The following TEC variants were observed in gnomAD, a reference collection of about 807,000 sequenced individuals.
TEC encodes the protein tec protein tyrosine kinase, also known as tyrosine-protein kinase Tec.
In TEC, 72 loss-of-function variants were observed where a neutral mutation model predicts 93.0. That is an observed-to-expected ratio of 0.77 (90% CI 0.64 to 0.94). The LOEUF (loss-of-function observed/expected upper bound fraction) is 0.94, where lower values mean the gene tolerates loss of function less well. TEC is among the 40% of genes least tolerant of loss of function. The pLI, the probability that TEC is intolerant of heterozygous loss-of-function variation, is 0.00. For missense variants in TEC, 630 were observed against 757.9 expected, an observed-to-expected ratio of 0.83 and a Z score of 1.98; for synonymous variants, 249 against 247.7, an observed-to-expected ratio of 1.01 and a Z score of -0.05.
At chr4:48,220,564 C>T (rs1214435633) in intron 2 of TEC, among the ~76,000 whole-genome samples, 1 of 152,100 alleles carries the variant, frequency 6.6e-6, no homozygotes, top group South Asian at 2.1e-4. Flanking sequence ...TTGTAAGTTT[C>T]CTAAGGCCCC....
At position 48,146,335 on chromosome 4, in the gene TEC, T is replaced by A. The variant is rs1719905946; in HGVS notation, c.1071A>T (p.Gly357=). 1.2e-6 allele frequency: 2 copies of A among 1,613,758 alleles called. No individual in the cohort carries two copies. The highest frequency in any genetic ancestry group is 1.7e-6 in the Non-Finnish European group (2 of 1,179,760). Residue 357 remains glycine, a synonymous_variant, in exon 12 of 18, where the codon GGA becomes GGT. Coordinates refer to ENST00000381501, the MANE Select transcript of TEC (RefSeq NM_003215.3). ...VKGKNAPTTA[G]FSYEKWEINP... ...CAAAATAAGAGTTACCATAGCTGAA[T>A]CCTGCAGTGGTGGGTGCATTCTTCC...
At chr4:48,182,535 C>CTG (rs60434609) in intron 2 of TEC, among the ~76,000 whole-genome samples, 32,873 of 147,092 alleles carry the variant, frequency 0.22, 3,563 homozygotes, top group South Asian at 0.3. Flanking sequence ...GGGCAATACT[C>CTG]TGTGTGTGTG....
intron 8 of TEC, among the ~76,000 whole-genome samples, chr4:48,161,957 T>C (rs1191958931): frequency 2.6e-5 from 4 of 152,210 alleles, no homozygotes; most frequent in African/African-American, 9.6e-5. Flanking sequence ...ACTGCCTTCC[T>C]TTCCCCTCAG....
intron 11 of TEC, among the ~76,000 whole-genome samples, chr4:48,149,348 C>A (rs981130352): frequency 6.6e-6 from 1 of 152,114 alleles, no homozygotes; most frequent in African/African-American, 2.4e-5. Flanking sequence ...AACTCATGTC[C>A]TAAGGTCAAG....
intron 15 of TEC, 102 bp downstream of exon 15, chr4:48,141,253 C>A: frequency 1.0e-6 from 1 of 1,004,378 alleles, no homozygotes; most frequent in Non-Finnish European, 1.5e-6. Context: ...AACCAGTTAA[C>A]AAGATTTCCT....
At chr4:48,150,721 T>C (rs917999399) in intron 10 of TEC, 142 bp downstream of exon 10, 6 of 559,584 alleles carry the variant, frequency 1.1e-5, no homozygotes, top group East Asian at 9.1e-5. Context: ...AAACAGTATA[T>C]ACACTTTAGA....
At chr4:48,169,684 A>C (rs1466095692) in intron 5 of TEC, among the ~76,000 whole-genome samples, 1 of 152,204 alleles carries the variant, frequency 6.6e-6, no homozygotes, top group Non-Finnish European at 1.5e-5. Context: ...CTAGTAACTT[A>C]ACAATCTCCA....
chr4:48,241,278 C>T (rs1454602465), intron 1 of TEC, among the ~76,000 whole-genome samples: 2 of 151,904 alleles, frequency 1.3e-5, no homozygotes, highest in Non-Finnish European at 2.9e-5. Flanking sequence ...GTCACCTCCC[C>T]TTGAATTGGA....
intron 3 of TEC, 108 bp from the exon 4 acceptor site, chr4:48,171,557 C>T: frequency 1.3e-6 from 1 of 750,480 alleles, no homozygotes; most frequent in Non-Finnish European, 2.1e-6. Flanking sequence ...TCTCAAATAA[C>T]TGAAAGTCAA....
chr4:48,212,110 A>AAAAAAAAAATAT, intron 2 of TEC, among the ~76,000 whole-genome samples: 7 of 122,260 alleles, frequency 5.7e-5, no homozygotes, highest in Admixed American at 2.0e-4. Context: ...AAAAAAAAAA[A>AAAAAAAAAATAT]ATATATATAT....
At chr4:48,216,311 A>G (rs1185670082) in intron 2 of TEC, among the ~76,000 whole-genome samples, 1 of 152,038 alleles carries the variant, frequency 6.6e-6, no homozygotes, top group Non-Finnish European at 1.5e-5. Flanking sequence ...CTCCACTCAT[A>G]ATTTGGTCTC....
chr4:48,146,734 C>G (rs1379873554), intron 11 of TEC, among the ~76,000 whole-genome samples: 1 of 152,130 alleles, frequency 6.6e-6, no homozygotes, highest in East Asian at 1.9e-4. Context: ...GGAAGTTATT[C>G]ACCTGACATG....
intron 10 of TEC, among the ~76,000 whole-genome samples, chr4:48,150,042 T>C (rs770252054): frequency 6.6e-6 from 1 of 152,234 alleles, no homozygotes; most frequent in Non-Finnish European, 1.5e-5. Flanking sequence ...AAATCACCAA[T>C]AGTGAATAAA....
At chr4:48,151,735 C>T (rs149793609) in intron 9 of TEC, among the ~76,000 whole-genome samples, 2,028 of 152,320 alleles carry the variant, frequency 0.013, 47 homozygotes, top group African/African-American at 0.043. Flanking sequence ...GATCCACCCG[C>T]CTTGATCTCC....
intron 2 of TEC, among the ~76,000 whole-genome samples, chr4:48,176,544 A>C (rs1158720261): frequency 1.3e-5 from 2 of 152,064 alleles, no homozygotes; most frequent in African/African-American, 2.4e-5. Flanking sequence ...AACATGGCAA[A>C]ACCCCCATCT....
chr4:48,253,855 C>T (rs534581107), intron 1 of TEC, among the ~76,000 whole-genome samples: 9 of 152,060 alleles, frequency 5.9e-5, no homozygotes, highest in South Asian at 2.1e-4. Flanking sequence ...GTATTATAGG[C>T]GTGAGCCACC....
chr4:48,146,603 C>T (rs1719926690), intron 11 of TEC, among the ~76,000 whole-genome samples: 1 of 152,124 alleles, frequency 6.6e-6, no homozygotes, highest in Admixed American at 6.5e-5. Context: ...AGGCACCATG[C>T]CAGCTTTCTC....
intron 1 of TEC, among the ~76,000 whole-genome samples, chr4:48,248,429 C>A (rs367744722): frequency 5.3e-5 from 8 of 152,264 alleles, no homozygotes; most frequent in South Asian, 2.1e-4. Flanking sequence ...CAGTACACAG[C>A]ACATTGCATG....
chr4:48,218,105 AT>A (rs1458389726), intron 2 of TEC, among the ~76,000 whole-genome samples: 2 of 152,214 alleles, frequency 1.3e-5, no homozygotes, highest in African/African-American at 4.8e-5. Context: ...GGAGAGTAGA[AT>A]AAAAACACAG....
Sources: gnomAD v4.1 joint callset for allele counts (sites outside exome capture counted in the v4.1 genomes callset) on GRCh38, gnomAD v4.1.1 for gene constraint, MANE v1.5 for transcripts, NCBI Gene and HGNC (gene_info 2026-07-23, HGNC 2026-07-21) for gene names.